The following ZAN variants were observed in gnomAD, a reference collection of about 807,000 sequenced individuals.
The protein encoded by ZAN is zonadhesin (gene/pseudogene).
In ZAN, 260 loss-of-function variants were observed where a neutral mutation model predicts 286.2. The ratio of observed to expected loss-of-function variants is 0.91; its 90% CI spans 0.82 to 1.01. ZAN has a LOEUF of 1.01. Ranked by LOEUF, ZAN falls within the 50% of genes least tolerant of loss-of-function variation. ZAN has a pLI of 0.00. For synonymous variants in ZAN, 1,368 were observed against 1,417.5 expected, an observed-to-expected ratio of 0.97 and a Z score of 0.79; for missense variants, 3,410 against 3,639.2, an observed-to-expected ratio of 0.94 and a Z score of 1.62.
intron 47 of ZAN, 30 bp downstream of exon 47, chr7:100,797,653 CG>C: frequency 1.2e-6 from 2 of 1,614,014 alleles, no homozygotes; most frequent in Non-Finnish European, 1.7e-6. Flanking sequence ...CCCGGAACCT[CG>C]GGGCCTAGAG....
At chr7:100,772,874 G>C (rs968577429) in intron 29 of ZAN, among the ~76,000 whole-genome samples, 3 of 122,016 alleles carry the variant, frequency 2.5e-5, no homozygotes, top group Non-Finnish European at 5.2e-5. Context: ...TTTTTTGTTT[G>C]TTTTTTTTTT....
At chr7:100,746,816 G>A (rs1461641466) in intron 8 of ZAN, 114 bp downstream of exon 8, 90 of 1,249,298 alleles carry the variant, frequency 7.2e-5, no homozygotes, top group Non-Finnish European at 9.7e-5. Flanking sequence ...GAATATGTGC[G>A]AGACTATTCC....
intron 24 of ZAN, 89 bp from the exon 25 acceptor site, chr7:100,766,921 C>T: frequency 6.4e-7 from 1 of 1,567,504 alleles, no homozygotes; most frequent in Non-Finnish European, 8.7e-7. Flanking sequence ...GGGACCATGC[C>T]AATGTGGGCT....
chr7:100,791,834 C>T lies in ZAN; in HGVS notation c.7530-132C>T, dbSNP rs1447622885. ...TTTCCACCTCCTGGGCTCAAGTCAT[C>T]CTCCTGCCTCAGCCTCCCGGGTAGC... is the stretch of plus-strand genomic sequence containing the variant. On this transcript the variant is annotated intron_variant, in intron 40 of 47. Coordinates refer to ENST00000613979, the MANE Select transcript of ZAN (RefSeq NM_003386.3). The T allele has an allele frequency of 1.5e-5, 17 of 1,104,290 alleles. No individual in the cohort carries two copies. In the East Asian group the frequency reaches 4.5e-4, roughly 29 times the overall value. The allele number at this position is 1,104,290 out of a possible 1,614,324, so 68.4% of individuals were successfully genotyped here.
At chr7:100,792,306 G>T (rs76427635) in intron 41 of ZAN, 99 bp from the exon 42 acceptor site, 355,382 of 1,515,822 alleles carry the variant, frequency 0.23, 44,704 homozygotes, top group Non-Finnish European at 0.25. Context: ...GACACCGACT[G>T]ATGTCTTTCT....
rs750924686 is a variant in ZAN at position 100,766,515 on chromosome 7, T to C, written c.4471-10T>C. 6.5e-6 allele frequency: 10 copies of C among 1,546,592 alleles called. No individual in the cohort carries two copies. The highest frequency in any genetic ancestry group is 7.9e-6 in the Non-Finnish European group (9 of 1,143,910). ...AACACTTTCTCTTCCTTCCCTGCTG[T>C]CTTCCCCAGGTAGGGGAGCGGTGGT... On this transcript the variant is annotated splice_polypyrimidine_tract_variant and intron_variant, in intron 23 of 47. Transcript: ENST00000613979.
chr7:100,754,301 A>G (rs1048753166), intron 14 of ZAN, among the ~76,000 whole-genome samples: 1 of 151,786 alleles, frequency 6.6e-6, no homozygotes, highest in Non-Finnish European at 1.5e-5. Flanking sequence ...TACTGAAAAT[A>G]CAAAAAAATT....
In ZAN at chr7:100,736,464, T is replaced by C. The variant is rs1807296987; in HGVS notation, c.107-19T>C. ...GCCCCTGCCCTCTCTGAAACCTCAC[T>C]GTGACCCATTCTTCCTAGATGTCCT... On this transcript the variant is annotated intron_variant, in intron 3 of 47. Transcript: ENST00000613979. 2.6e-6 allele frequency: 4 copies of C among 1,523,098 alleles called. 1 individual carries two copies. The African/African-American group carries it at 5.6e-5, about 21-fold the overall frequency. 94.3% of individuals were successfully genotyped at this position (1,523,098 alleles called of 1,614,324 possible).
At chr7:100,785,193 T>C (rs1811478904) in intron 36 of ZAN, among the ~76,000 whole-genome samples, 2 of 150,642 alleles carry the variant, frequency 1.3e-5, no homozygotes, top group African/African-American at 4.9e-5. Context: ...CTGCACAACA[T>C]ATGTAAGTCA....
chr7:100,759,860 A>AC lies in ZAN; in HGVS notation c.3696+20dup, dbSNP rs752892589. The AC allele has an allele frequency of 1.9e-6, 3 of 1,606,958 alleles. No homozygotes were observed. The highest frequency in any genetic ancestry group is 2.2e-5 in the South Asian group (2 of 90,144). ...GACGCACTCTGGTGAGCCCCATTCC[A>AC]CCCCCACCATCCTTGCAGGGTCTGA... On this transcript the variant is annotated intron_variant, in intron 18 of 47. Coordinates refer to ENST00000613979, the MANE Select transcript of ZAN (RefSeq NM_003386.3).
chr7:100,738,221 T>C (rs1258315280), intron 6 of ZAN, among the ~76,000 whole-genome samples: 1 of 140,068 alleles, frequency 7.1e-6, no homozygotes, highest in East Asian at 2.0e-4. Flanking sequence ...CCTCCCAAAA[T>C]GCTGGGATTA....
At chr7:100,739,010 CTTTTTCTTTTTT>C (rs1807558547) in intron 7 of ZAN, among the ~76,000 whole-genome samples, 1 of 81,978 alleles carries the variant, frequency 1.2e-5, no homozygotes, top group Admixed American at 1.3e-4. Context: ...TCTCCTTCTT[CTTTTTCTTTTTT>C]TTTTTTTGAA....
chr7:100,795,390 C>A, intron 45 of ZAN, 54 bp downstream of exon 45: 1 of 1,446,358 alleles, frequency 6.9e-7, no homozygotes, highest in Non-Finnish European at 9.1e-7. Flanking sequence ...TGGCCGACAA[C>A]CACAGAATGA....
rs531259559 is a variant in ZAN, at chr7:100,771,042, G to A, written c.5249-802G>A. Among the ~76,000 whole-genome samples the A allele has an allele frequency of 2.6e-5, 4 of 152,224 alleles. No individual in the cohort carries two copies. The South Asian group carries it at 8.3e-4, about 32-fold the overall frequency. ...TGATCTTGAACTCCTGACCTCAAATGATCCACCTGCCTTGGCCTCCCAAAG... is the reference window on the plus strand; with the variant it reads ...TGATCTTGAACTCCTGACCTCAAATAATCCACCTGCCTTGGCCTCCCAAAG... On this transcript the variant is annotated intron_variant, in intron 28 of 47. Coordinates refer to ENST00000613979, the MANE Select transcript of ZAN (RefSeq NM_003386.3).
chr7:100,788,767 A>C (rs314334), intron 38 of ZAN, among the ~76,000 whole-genome samples: 76,677 of 151,776 alleles, frequency 0.51, 20,015 homozygotes, highest in Middle Eastern at 0.7. Context: ...GGCACCATCT[A>C]GGCTCACTGC....
At position 100,795,186 on chromosome 7, in the gene ZAN, G is replaced by A. The variant is rs780432809; in HGVS notation, c.8126-10G>A. On this transcript the variant is annotated splice_polypyrimidine_tract_variant and intron_variant, in intron 44 of 47. Transcript: ENST00000613979. Reference sequence around the variant, plus strand: ...GGGCCCCCCTCCCACAACCCTCTCTGTCCTTGCAGAAAGCCCGTGTCTGCA... The same window carrying A: ...GGGCCCCCCTCCCACAACCCTCTCTATCCTTGCAGAAAGCCCGTGTCTGCA... 6.2e-7 allele frequency: 1 copy of A among 1,605,784 alleles called. No individual in the cohort carries two copies. The highest frequency in any genetic ancestry group is 8.5e-7 in the Non-Finnish European group (1 of 1,176,200).
At chr7:100,796,365 C>T (rs1343067567) in intron 45 of ZAN, among the ~76,000 whole-genome samples, 1 of 151,384 alleles carries the variant, frequency 6.6e-6, no homozygotes, top group Non-Finnish European at 1.5e-5. Context: ...ATGTATATTC[C>T]AGGACACACT....
intron 39 of ZAN, among the ~76,000 whole-genome samples, chr7:100,790,694 C>T (rs1336631876): frequency 3.3e-5 from 5 of 151,786 alleles, no homozygotes; most frequent in African/African-American, 9.7e-5. Context: ...ACCAGTTTGG[C>T]CAACATGGTG....
rs1562924448 is a variant in ZAN at position 100,752,070 on chromosome 7, C to CATCTCCCCA, written c.1965_1966insATCTCCCCA (p.Thr655_Val656insIleSerPro). ...CCACCATTTCCACAGAAAAACCCACCGTCCCCACAGAAGAGCCCACCACCC... is the reference window on the plus strand; with the variant it reads ...CCACCATTTCCACAGAAAAACCCACCATCTCCCCAGTCCCCACAGAAGAGCCCACCACCC... On this transcript the variant is annotated inframe_insertion, in exon 14 of 48. Transcript: ENST00000613979. 6.2e-7 allele frequency: 1 copy of CATCTCCCCA among 1,612,664 alleles called. No homozygotes were observed. The highest frequency in any genetic ancestry group is 1.1e-5 in the South Asian group (1 of 90,964).
Sources: allele counts gnomAD v4.1 joint callset (sites outside exome capture counted in the v4.1 genomes callset), GRCh38; gene constraint gnomAD v4.1.1; transcripts MANE v1.5; gene names NCBI Gene and HGNC (gene_info 2026-07-23, HGNC 2026-07-21).